NXPE4: variants seen among roughly 807,000 people sequenced by gnomAD.
NXPE4 encodes neurexophilin and PC-esterase domain family member 4, also known as NXPE family member 4.
In NXPE4, 42 loss-of-function variants were observed where a neutral mutation model predicts 33.3. The ratio of observed to expected loss-of-function variants is 1.26; its 90% CI spans 0.98 to 1.63. The LOEUF (loss-of-function observed/expected upper bound fraction) is 1.63. Ranked by LOEUF, NXPE4 falls within the 40% of genes most tolerant of loss-of-function variation. NXPE4 has a pLI of 0.00. For synonymous variants in NXPE4, 253 were observed against 234.9 expected (o/e 1.08, Z -0.71); for missense variants, 709 against 647.6 (o/e 1.09, Z -1.03).
chr11:114,663,539 G>T, the NXPE4 span, among the ~76,000 whole-genome samples: 2 of 151,832 alleles, frequency 1.3e-5, no homozygotes, highest in South Asian at 2.1e-4. Context: ...AGGTCACCAG[G>T]CCCCTTCACC....
At chr11:114,669,705 G>A in the NXPE4 span, among the ~76,000 whole-genome samples, 7 of 152,100 alleles carry the variant, frequency 4.6e-5, no homozygotes, top group African/African-American at 1.4e-4. Context: ...AGAGAGGCAG[G>A]TCATAGCAAC....
At chr11:114,670,148 C>A in the NXPE4 span, among the ~76,000 whole-genome samples, 2 of 151,982 alleles carry the variant, frequency 1.3e-5, no homozygotes, top group Non-Finnish European at 2.9e-5. Flanking sequence ...GCAGTTTATG[C>A]CCCAGGACCT....
upstream of NXPE4, among the ~76,000 whole-genome samples, chr11:114,596,971 ATTCCT>A (rs1338376430): frequency 1.3e-5 from 2 of 152,212 alleles, no homozygotes; most frequent in African/African-American, 4.8e-5. Context: ...TGAATCCAAG[ATTCCT>A]TTCATTTTGA....
chr11:114,670,252 T>C, the NXPE4 span, among the ~76,000 whole-genome samples: 1 of 152,002 alleles, frequency 6.6e-6, no homozygotes, highest in East Asian at 1.9e-4. Context: ...GAAATCAAAA[T>C]AAGACATGGT....
At position 114,571,400 on chromosome 11, in the gene NXPE4, G is replaced by C; in HGVS notation, c.1173C>G (p.Ile391Met). Residue 391 changes from isoleucine (I) to methionine (M), a missense_variant, in exon 6 of 6, where the codon ATC becomes ATG. Coordinates refer to ENST00000375478, the MANE Select transcript of NXPE4 (RefSeq NM_001077639.2). ...AACAATATTTTTGCCACTGGATGTT[G>C]ATGTTCCTATCCAAATCCACAGCAA... ...HQLAVDLDRN[I>M]NIQWQKYCYP... The C allele has an allele frequency of 6.2e-7, 1 of 1,613,840 alleles. No homozygotes were observed. Among genetic ancestry groups the C allele is most frequent in the Admixed American group, 1.7e-5 (1 of 59,996 alleles).
chr11:114,649,157 G>A, the NXPE4 span, among the ~76,000 whole-genome samples: 1 of 150,712 alleles, frequency 6.6e-6, no homozygotes, highest in Non-Finnish European at 1.5e-5. Flanking sequence ...CTGGTGGGGT[G>A]ACCCAAACCT....
the NXPE4 span, among the ~76,000 whole-genome samples, chr11:114,618,212 A>G: frequency 6.6e-6 from 1 of 152,036 alleles, no homozygotes; most frequent in African/African-American, 2.4e-5. Context: ...ATTGGTCACC[A>G]CTGTTACCCG....
At chr11:114,619,488 G>C in the NXPE4 span, among the ~76,000 whole-genome samples, 1 of 135,864 alleles carries the variant, frequency 7.4e-6, no homozygotes, top group African/African-American at 2.9e-5. Context: ...ACCCAGTGGA[G>C]GATAAGTGTT....
the NXPE4 span, among the ~76,000 whole-genome samples, chr11:114,616,880 G>A: frequency 5.1e-4 from 77 of 151,750 alleles, 2 homozygotes; most frequent in South Asian, 6.2e-4. Context: ...ACTGTTACCC[G>A]CTGGATACTA....
the NXPE4 span, among the ~76,000 whole-genome samples, chr11:114,620,441 C>G: frequency 6.6e-6 from 1 of 151,920 alleles, no homozygotes; most frequent in Non-Finnish European, 1.5e-5. Context: ...CCACTGTTAC[C>G]CAGTGGGTAT....
chr11:114,625,551 AC>A, the NXPE4 span, among the ~76,000 whole-genome samples: 9 of 152,144 alleles, frequency 5.9e-5, no homozygotes, highest in African/African-American at 1.9e-4. Context: ...AACCACTGTT[AC>A]CCGGTGGATA....
intron 2 of NXPE4, among the ~76,000 whole-genome samples, chr11:114,587,451 A>G (rs1250079573): frequency 6.6e-6 from 1 of 152,274 alleles, no homozygotes; most frequent in Non-Finnish European, 1.5e-5. Context: ...TGTAACTGTA[A>G]CGAAGTCTCT....
At chr11:114,640,175 T>C in the NXPE4 span, among the ~76,000 whole-genome samples, 3 of 112,570 alleles carry the variant, frequency 2.7e-5, no homozygotes, top group Admixed American at 1.0e-4. Context: ...TATAAATAAT[T>C]TATATATTAT....
the NXPE4 span, among the ~76,000 whole-genome samples, chr11:114,631,297 G>T: frequency 1.4e-4 from 22 of 151,746 alleles, no homozygotes; most frequent in Non-Finnish European, 3.1e-4. Context: ...TGATAGACTG[G>T]ATTAAGAAAA....
At chr11:114,595,428 A>G (rs1949557831) in intron 1 of NXPE4, among the ~76,000 whole-genome samples, 164 bp downstream of exon 1, 1 of 152,108 alleles carries the variant, frequency 6.6e-6, no homozygotes, top group Non-Finnish European at 1.5e-5. Context: ...AGATTGCTTG[A>G]ATGCTGCCTT....
chr11:114,633,924 T>C, the NXPE4 span, among the ~76,000 whole-genome samples: 1 of 152,034 alleles, frequency 6.6e-6, no homozygotes, highest in Non-Finnish European at 1.5e-5. Context: ...AATAAACATA[T>C]GTGTGCATGT....
chr11:114,572,411 T>G (rs1342676893), intron 5 of NXPE4, among the ~76,000 whole-genome samples: 1 of 152,168 alleles, frequency 6.6e-6, no homozygotes, highest in African/African-American at 2.4e-5. Flanking sequence ...GGTTGATTAT[T>G]AAGCTAATCA....
At chr11:114,631,038 G>A in the NXPE4 span, among the ~76,000 whole-genome samples, 1 of 151,702 alleles carries the variant, frequency 6.6e-6, no homozygotes, top group East Asian at 1.9e-4. Context: ...GTGCTGGAGA[G>A]GATGTGGAGA....
upstream of NXPE4, among the ~76,000 whole-genome samples, chr11:114,599,235 A>T (rs1006050294): frequency 6.6e-6 from 1 of 152,080 alleles, no homozygotes; most frequent in Non-Finnish European, 1.5e-5. Context: ...TCTTCACTAA[A>T]CCATAACAAA....
Sources: allele counts gnomAD v4.1 joint callset (sites outside exome capture counted in the v4.1 genomes callset), GRCh38; gene constraint gnomAD v4.1.1; transcripts MANE v1.5; gene names NCBI Gene and HGNC (gene_info 2026-07-23, HGNC 2026-07-21).